The following ALMS1 variants were observed in gnomAD, a reference collection of about 807,000 sequenced individuals.
The protein encoded by ALMS1 is centrosome-associated protein ALMS1.
In ALMS1, 271 loss-of-function variants were observed where a neutral mutation model predicts 352.2. That is an observed-to-expected ratio of 0.77 (90% confidence interval 0.70 to 0.85). The LOEUF is 0.85. Among genes scored for constraint, ALMS1 ranks in the 40% least tolerant of loss-of-function variants. The pLI, the probability that ALMS1 is intolerant of heterozygous loss-of-function variation, is 0.00. For missense variants in ALMS1, 5,445 were observed against 4,870.7 expected, an observed-to-expected ratio of 1.12 and a Z score of -3.51; for synonymous variants, 1,865 against 1,761.2, an observed-to-expected ratio of 1.06 and a Z score of -1.48.
chr2:73,526,407 T>A (rs1159227816), intron 11 of ALMS1, among the ~76,000 whole-genome samples: 3 of 152,170 alleles, frequency 2.0e-5, no homozygotes, highest in Non-Finnish European at 2.9e-5. Context: ...CAATATTGAT[T>A]CTTCTAATTC....
chr2:73,389,246 A>C (rs1351160289), intron 1 of ALMS1, among the ~76,000 whole-genome samples: 1 of 152,068 alleles, frequency 6.6e-6, no homozygotes, highest in African/African-American at 2.4e-5. Flanking sequence ...TCTTTTGAGA[A>C]GTGTCTGTTC....
chr2:73,587,869 C>G (rs1046047342), intron 16 of ALMS1, among the ~76,000 whole-genome samples: 3 of 152,108 alleles, frequency 2.0e-5, no homozygotes, highest in African/African-American at 7.2e-5. Context: ...TACAAAAGAT[C>G]ATTCAAAGCT....
Position 73,449,051 on chromosome 2 carries a change from G to C in ALMS1, c.2524G>C (p.Gly842Arg), listed in dbSNP as rs1258140663. ...EEALKVSAVS[G>R]PADGKTGTPA... ...GGCTCTGAAAGTTTCAGCTGTTTCT[G>C]GACCAGCTGACGGAAAGACTGGGAC... The change falls in exon 8 of 23, where the codon GGA (glycine) becomes CGA (arginine). Residue 842 changes from glycine (G) to arginine (R), a missense_variant. By Grantham distance (125) the Gly-to-Arg change is moderately radical. Transcript: ENST00000613296. The C allele has an allele frequency of 6.2e-7, 1 of 1,614,110 alleles. No individual in the cohort carries two copies. Among genetic ancestry groups the C allele is most frequent in the Admixed American group, 1.7e-5 (1 of 60,004 alleles).
Position 73,557,286 on chromosome 2 carries a change from A to G in ALMS1, c.10145A>G (p.His3382Arg), listed in dbSNP as rs754161671. ...TCAGACAAAAAACAGCAAGAGATTC[A>G]CAGTACAAGGGCAGTGACTGAGGCT... ...NLSDKKQQEI[H>R]STRAVTEAAQ... The change falls in exon 14 of 23, where the codon CAC becomes CGC. Residue 3382 changes from histidine (H) to arginine (R), a missense_variant. His to Arg is a conservative substitution (Grantham distance 29, BLOSUM62 0). Transcript: ENST00000613296. The G allele has an allele frequency of 6.2e-7, 1 of 1,614,186 alleles. No homozygotes were observed. The highest frequency in any genetic ancestry group is 8.5e-7 in the Non-Finnish European group (1 of 1,180,022).
At chr2:73,590,561 G>A (rs753590039) in intron 16 of ALMS1, among the ~76,000 whole-genome samples, 12 of 151,360 alleles carry the variant, frequency 7.9e-5, no homozygotes, top group Non-Finnish European at 1.3e-4. Context: ...CTTACTTTGA[G>A]AATTACCTTT....
At chr2:73,431,993 A>T (rs1273719806) in intron 6 of ALMS1, among the ~76,000 whole-genome samples, 2 of 152,206 alleles carry the variant, frequency 1.3e-5, no homozygotes, top group African/African-American at 4.8e-5. Context: ...TGACCTATAT[A>T]TGAATTCAGA....
chr2:73,445,995 C>T (rs10175180), intron 7 of ALMS1, among the ~76,000 whole-genome samples: 58,111 of 152,080 alleles, frequency 0.38, 15,441 homozygotes, highest in African/African-American at 0.76. Context: ...TACATAGACA[C>T]ATTTTATAAA....
intron 1 of ALMS1, among the ~76,000 whole-genome samples, chr2:73,402,240 C>T (rs1670887184): frequency 6.8e-6 from 1 of 146,116 alleles, no homozygotes; most frequent in Non-Finnish European, 1.5e-5. Context: ...AAAAGTAGTC[C>T]TTTTCTTTCT....
chr2:73,601,037 A>G (rs1442031854), intron 18 of ALMS1, among the ~76,000 whole-genome samples, 156 bp downstream of exon 18: 3 of 152,194 alleles, frequency 2.0e-5, no homozygotes, highest in African/African-American at 7.2e-5. Context: ...GCAGTTACAC[A>G]GTCATCCCTG....
At chr2:73,573,463 C>G in intron 16 of ALMS1, 39 bp downstream of exon 16, 1 of 1,604,064 alleles carries the variant, frequency 6.2e-7, no homozygotes, top group South Asian at 1.1e-5. Flanking sequence ...TGTGACTGCC[C>G]TCTTCATGGA....
At position 73,572,432 on chromosome 2, in the gene ALMS1, C is replaced by G; in HGVS notation, c.10555C>G (p.Pro3519Ala). Residue 3519 changes from proline (P) to alanine (A), a missense_variant, in exon 16 of 23, where the codon CCA becomes GCA. Coordinates refer to ENST00000613296, the MANE Select transcript of ALMS1 (RefSeq NM_001378454.1). ...TTGGAAAGATTTCTTTCAGCATCAT[C>G]CAGACAAACATAGAGAACACATGTG... ...HSWKDFFQHH[P>A]DKHREHMCLP... 6.2e-7 allele frequency: 1 copy of G among 1,613,176 alleles called. No homozygotes were observed. The highest frequency in any genetic ancestry group is 8.5e-7 in the Non-Finnish European group (1 of 1,179,804).
chr2:73,489,965 G>A lies in ALMS1; in HGVS notation c.8006G>A (p.Arg2669Gln), dbSNP rs747268891. The A allele has an allele frequency of 1.3e-5, 21 of 1,614,048 alleles. No homozygotes were observed. Among genetic ancestry groups the A allele is most frequent in the Non-Finnish European group, 1.4e-5 (16 of 1,180,052 alleles). The part of the protein sequence containing the change: ...PDEFKISKGL[R>Q]MPFDEKMDPW... ...GAATTCAAAATCAGCAAAGGTCTTC[G>A]AATGCCATTCGATGAAAAGATGGAC... Residue 2669 changes from arginine (R) to glutamine (Q), a missense_variant, in exon 10 of 23, where the codon CGA becomes CAA. Arg to Gln is a conservative substitution (Grantham distance 43, BLOSUM62 1). Coordinates refer to ENST00000613296, the MANE Select transcript of ALMS1 (RefSeq NM_001378454.1).
intron 13 of ALMS1, among the ~76,000 whole-genome samples, chr2:73,553,579 G>A (rs1321790507): frequency 6.6e-6 from 1 of 152,158 alleles, no homozygotes; most frequent in Non-Finnish European, 1.5e-5. Flanking sequence ...CTTCAGGAAA[G>A]CAGAAGTTTG....
At chr2:73,414,473 GTT>G (rs61660489) in intron 2 of ALMS1, among the ~76,000 whole-genome samples, 3,776 of 66,432 alleles carry the variant, frequency 0.057, 158 homozygotes, top group African/African-American at 0.14. Context: ...CTTTTTTTCC[GTT>G]TTTTTTTTTT....
At chr2:73,573,484 A>C in intron 16 of ALMS1, 60 bp downstream of exon 16, 1 of 1,569,758 alleles carries the variant, frequency 6.4e-7, no homozygotes, top group Non-Finnish European at 8.7e-7. Context: ...CTTTTTAGTT[A>C]AGCTTTGCAC....
chr2:73,475,311 T>C (rs1163841296), intron 9 of ALMS1, among the ~76,000 whole-genome samples: 1 of 152,088 alleles, frequency 6.6e-6, no homozygotes, highest in East Asian at 1.9e-4. Flanking sequence ...TTCTAAACTT[T>C]TTTCTGAAGT....
intron 10 of ALMS1, among the ~76,000 whole-genome samples, chr2:73,508,189 C>A (rs1430906438): frequency 1.7e-4 from 25 of 147,586 alleles, no homozygotes; most frequent in South Asian, 6.4e-4. Context: ...TTCCACCCTG[C>A]CCTCCTTTCT....
chr2:73,547,915 A>C (rs1222336254), intron 12 of ALMS1, among the ~76,000 whole-genome samples: 1 of 152,154 alleles, frequency 6.6e-6, no homozygotes, highest in South Asian at 2.1e-4. Context: ...GACAGTCAGC[A>C]TCCTTTTAGA....
chr2:73,476,515 G>A (rs1672586610), intron 9 of ALMS1, among the ~76,000 whole-genome samples: 1 of 151,882 alleles, frequency 6.6e-6, no homozygotes, highest in South Asian at 2.1e-4. Context: ...ATTCCCACCA[G>A]CAGTATTCGA....
Sources: allele counts gnomAD v4.1 joint callset (sites outside exome capture counted in the v4.1 genomes callset), GRCh38; gene constraint gnomAD v4.1.1; transcripts MANE v1.5; gene names NCBI Gene and HGNC (gene_info 2026-07-23, HGNC 2026-07-21).